The following SYT1 variants were observed in gnomAD, a reference collection of about 807,000 sequenced individuals.
SYT1 encodes synaptotagmin 1.
In SYT1, 8 loss-of-function variants were observed where a neutral mutation model predicts 44.8. The observed-to-expected ratio is 0.18, with a 90% confidence interval of 0.10 to 0.32. The LOEUF (loss-of-function observed/expected upper bound fraction) is 0.32. Ranked by LOEUF, SYT1 falls within the 10% of genes least tolerant of loss-of-function variation. The pLI is 1.00. For synonymous variants in SYT1, 154 were observed against 188.8 expected (o/e 0.82, Z 1.51); for missense variants, 286 against 509.3 (o/e 0.56, Z 4.22).
chr12:79,303,835 T>C (rs750571974), intron 8 of SYT1, among the ~76,000 whole-genome samples: 58 of 152,204 alleles, frequency 3.8e-4, no homozygotes, highest in Non-Finnish European at 3.1e-4. Context: ...TTATTCCTTA[T>C]GGCATCTTTT....
intron 3 of SYT1, among the ~76,000 whole-genome samples, chr12:79,158,075 C>A (rs1870711434): frequency 1.3e-5 from 2 of 152,040 alleles, no homozygotes; most frequent in Admixed American, 1.3e-4. Flanking sequence ...CGGGGTGATT[C>A]AAGCACACTA....
At chr12:79,354,493 T>G (rs1007472706) in intron 9 of SYT1, among the ~76,000 whole-genome samples, 3 of 152,166 alleles carry the variant, frequency 2.0e-5, no homozygotes, top group Non-Finnish European at 2.9e-5. Context: ...TAAGGCAGCA[T>G]GGTGATTTTT....
intron 4 of SYT1, among the ~76,000 whole-genome samples, chr12:79,248,707 C>T (rs1876999549): frequency 6.6e-6 from 1 of 152,122 alleles, no homozygotes; most frequent in African/African-American, 2.4e-5. Flanking sequence ...GCAAGAAAGG[C>T]TTGCTTCTGG....
chr12:79,099,778 A>G (rs1054460199), intron 3 of SYT1, among the ~76,000 whole-genome samples: 1 of 152,164 alleles, frequency 6.6e-6, no homozygotes, highest in Non-Finnish European at 1.5e-5. Context: ...ATTCCTAATT[A>G]TGACAGTGAC....
At chr12:78,931,376 GGAAGGA>G (rs1398576774) in intron 1 of SYT1, among the ~76,000 whole-genome samples, 2 of 108,018 alleles carry the variant, frequency 1.9e-5, no homozygotes, top group Non-Finnish European at 3.7e-5. Context: ...AAGGAAGGAA[GGAAGGA>G]AGGAAGGAAG....
chr12:79,217,508 C>T lies in SYT1; in HGVS notation c.-12C>T, dbSNP rs1006083045. On this transcript the variant is annotated 5_prime_UTR_variant, in exon 4 of 11. Transcript: ENST00000261205. ...TTGCTTCCCTCCCCTCACAGCTTCACCTGAACCTAAAATGGTGAGCGAGAG... is the reference window on the plus strand; with the variant it reads ...TTGCTTCCCTCCCCTCACAGCTTCATCTGAACCTAAAATGGTGAGCGAGAG... 3 of 1,578,838 alleles carry T rather than the reference C, an allele frequency of 1.9e-6. No homozygotes were observed. Among genetic ancestry groups the T allele is most frequent in the Non-Finnish European group, 2.6e-6 (3 of 1,165,688 alleles).
chr12:79,368,346 C>T (rs1457030664), intron 9 of SYT1, among the ~76,000 whole-genome samples: 1 of 152,090 alleles, frequency 6.6e-6, no homozygotes, highest in African/African-American at 2.4e-5. Context: ...TGAATAGTGC[C>T]TCAATAAACA....
At chr12:79,166,888 T>TTCC (rs1467752064) in intron 3 of SYT1, among the ~76,000 whole-genome samples, 1 of 152,048 alleles carries the variant, frequency 6.6e-6, no homozygotes, top group African/African-American at 2.4e-5. Context: ...TTAAATTTAA[T>TTCC]TCCTCTGTGT....
chr12:79,239,080 C>G (rs1465052), intron 4 of SYT1, among the ~76,000 whole-genome samples: 108,957 of 152,138 alleles, frequency 0.72, 39,610 homozygotes, highest in African/African-American at 0.8. Context: ...TGCTCCTATA[C>G]AGCAGGCACT....
intron 3 of SYT1, among the ~76,000 whole-genome samples, chr12:79,101,241 T>C (rs1878428426): frequency 6.6e-6 from 1 of 152,176 alleles, no homozygotes; most frequent in Non-Finnish European, 1.5e-5. Flanking sequence ...TATCAGTGGA[T>C]AAGTGAATAA....
chr12:79,320,685 G>A lies in SYT1; in HGVS notation c.810+21134G>A, dbSNP rs552227722. On this transcript the variant is annotated intron_variant, in intron 8 of 10. Transcript: ENST00000261205. ...TTTTTTTTTTGAGACAGAGTGGTGCGATCTCAGCTCACTGCAACCTCCGCC... is the reference window on the plus strand; with the variant it reads ...TTTTTTTTTTGAGACAGAGTGGTGCAATCTCAGCTCACTGCAACCTCCGCC... Among the ~76,000 whole-genome samples, 76 of 136,402 alleles carry A rather than the reference G, an allele frequency of 5.6e-4. 1 individual carries two copies. Among genetic ancestry groups the A allele is most frequent in the Admixed American group, 2.6e-3 (33 of 12,814 alleles). 89.5% of individuals were successfully genotyped at this position (136,402 alleles called of 152,430 possible).
chr12:78,984,609 T>C (rs1454575810), intron 2 of SYT1, among the ~76,000 whole-genome samples: 1 of 151,822 alleles, frequency 6.6e-6, no homozygotes, highest in Non-Finnish European at 1.5e-5. Context: ...TAATTACAAA[T>C]TAGAAAACAA....
At chr12:79,002,456 AT>A (rs112673654) in intron 2 of SYT1, among the ~76,000 whole-genome samples, 3,833 of 147,288 alleles carry the variant, frequency 0.026, 103 homozygotes, top group African/African-American at 0.058. Flanking sequence ...CATTGCCAGT[AT>A]TTTTTTTTTT....
rs1870906842 is a variant in SYT1, at chr12:79,449,230, T to TAACA, written c.*107_*110dup. 8.4e-7 allele frequency: 1 copy of TAACA among 1,186,106 alleles called. No individual in the cohort carries two copies. The highest frequency in any genetic ancestry group is 1.5e-5 in the African/African-American group (1 of 65,056). The allele number at this position is 1,186,106 out of a possible 1,614,324, so 73.5% of individuals were successfully genotyped here. ...TTTCATTTTTCCAGCCATGCATTCC[T>TAACA]AACACAATTCAGTGGTACTTGGAAT... On this transcript the variant is annotated 3_prime_UTR_variant, in exon 11 of 11. Transcript: ENST00000261205.
At chr12:79,382,198 T>C (rs1884252050) in intron 9 of SYT1, among the ~76,000 whole-genome samples, 1 of 152,168 alleles carries the variant, frequency 6.6e-6, no homozygotes, top group Non-Finnish European at 1.5e-5. Flanking sequence ...GGTAAGAGAC[T>C]TCTCAGGTTG....
chr12:79,271,011 A>G lies in SYT1; in HGVS notation c.167-14776A>G, dbSNP rs144667507. 9.8e-3 allele frequency among the ~76,000 whole-genome samples: 1,491 copies of G among 152,332 alleles called. 16 individuals are homozygous for G. Among genetic ancestry groups the G allele is most frequent in the African/African-American group, 0.015 (615 of 41,586 alleles). On this transcript the variant is annotated intron_variant, in intron 4 of 10. Coordinates refer to ENST00000261205, the MANE Select transcript of SYT1 (RefSeq NM_005639.3). Reference sequence around the variant, plus strand: ...AAATTAGAAAAGGGGCTCCTCCCCAATTGTTCATTCAGTAGGTGTGAGATT... The same window carrying G: ...AAATTAGAAAAGGGGCTCCTCCCCAGTTGTTCATTCAGTAGGTGTGAGATT...
At chr12:78,939,783 C>A (rs1280174910) in intron 1 of SYT1, among the ~76,000 whole-genome samples, 1 of 152,160 alleles carries the variant, frequency 6.6e-6, no homozygotes, top group Non-Finnish European at 1.5e-5. Flanking sequence ...CTATCTTCTA[C>A]AGTCTCAGAT....
At chr12:79,319,210 A>G (rs7316400) in intron 8 of SYT1, among the ~76,000 whole-genome samples, 1,609 of 152,250 alleles carry the variant, frequency 0.011, 29 homozygotes, top group African/African-American at 0.036. Context: ...AGTGCTCTCT[A>G]TTTCCTGGAA....
chr12:79,318,042 A>G (rs961784005), intron 8 of SYT1, among the ~76,000 whole-genome samples: 1 of 152,222 alleles, frequency 6.6e-6, no homozygotes, highest in Non-Finnish European at 1.5e-5. Context: ...TGAGAAAGCT[A>G]CCAAAAATGT....
Sources: allele counts gnomAD v4.1 joint callset (sites outside exome capture counted in the v4.1 genomes callset), GRCh38; gene constraint gnomAD v4.1.1; transcripts MANE v1.5; gene names NCBI Gene and HGNC (gene_info 2026-07-23, HGNC 2026-07-21).